PNN: variants seen among roughly 807,000 people sequenced by gnomAD.
PNN encodes the protein pinin.
Under a neutral mutation model 76.6 loss-of-function variants are expected in PNN, and 38 were observed. That is an observed-to-expected ratio of 0.50 (90% CI 0.38 to 0.65). The LOEUF is 0.65. Among genes scored for constraint, PNN ranks in the 30% least tolerant of loss-of-function variants. The probability of loss-of-function intolerance (pLI) is 0.00; values close to 1 mark genes in which losing one functional copy is unlikely to be tolerated. For missense variants in PNN, 873 were observed against 874.1 expected (o/e 1.00, Z 0.02); for synonymous variants, 366 against 283.7 (o/e 1.29, Z -2.91).
In PNN at chr14:39,176,225, G is replaced by A. The variant is rs17108942; in HGVS notation, c.185+76G>A. On this transcript the variant is annotated intron_variant, in intron 2 of 8. Transcript: ENST00000216832. ...AAATATGTTGGTTTGAACAAAACCTGTGATAAAATCAATAACCCAGTGTTT... is the reference window on the plus strand; with the variant it reads ...AAATATGTTGGTTTGAACAAAACCTATGATAAAATCAATAACCCAGTGTTT... 5.4e-4 allele frequency: 466 copies of A among 860,090 alleles called. 1 individual carries two copies. The African/African-American group carries it at 6.9e-3, about 13-fold the overall frequency. The allele number at this position is 860,090 out of a possible 1,614,324, so 53.3% of individuals were successfully genotyped here. A position where few individuals can be genotyped will look rare whatever the true frequency, so the allele number is the denominator to read the frequency against.
rs371973976 is a variant in PNN at position 39,177,811 on chromosome 14, G to A, written c.423-30G>A. 79 of 1,542,974 alleles carry A rather than the reference G, an allele frequency of 5.1e-5. No homozygotes were observed. The African/African-American group carries it at 7.2e-4, about 14-fold the overall frequency. ...GGGTTTAAATGAAATGGATCCTGTTGACAGTAAATTTTCTTATTCTGTTCT... is the reference window on the plus strand; with the variant it reads ...GGGTTTAAATGAAATGGATCCTGTTAACAGTAAATTTTCTTATTCTGTTCT... On this transcript the variant is annotated intron_variant, in intron 5 of 8. Transcript: ENST00000216832.
intron 1 of PNN, chr14:39,175,712 C>A (rs141363995): frequency 4.3e-6 from 2 of 466,262 alleles, no homozygotes; most frequent in East Asian, 9.0e-5. Flanking sequence ...AGCCCCTTCC[C>A]GCTCCGGCGG....
At chr14:39,180,472 A>G (rs768450914) in intron 8 of PNN, 31 bp from the exon 9 acceptor site, 1 of 1,504,074 alleles carries the variant, frequency 6.6e-7, no homozygotes, top group Non-Finnish European at 8.9e-7. Flanking sequence ...TTAATCGGTA[A>G]ATTTTACACA....
intron 8 of PNN, 55 bp downstream of exon 8, chr14:39,179,517 C>T: frequency 1.9e-5 from 26 of 1,369,900 alleles, no homozygotes; most frequent in Non-Finnish European, 2.4e-5. Context: ...GTAATATGTT[C>T]ATATGCACAC....
chr14:39,180,405 C>G lies in PNN; in HGVS notation c.794-98C>G. On this transcript the variant is annotated intron_variant, in intron 8 of 8. Transcript: ENST00000216832. ...TGTCATAACTTTACAAAAACAAATT[C>G]AGATGAAGCTTAATGACAATTTGTG... 1.1e-5 allele frequency: 14 copies of G among 1,292,124 alleles called. 1 individual carries two copies. In the South Asian group the frequency reaches 2.3e-4, roughly 21 times the overall value. 80.0% of individuals were successfully genotyped at this position (1,292,124 alleles called of 1,614,324 possible).
chr14:39,178,766 T>A (rs1214359799), intron 6 of PNN, among the ~76,000 whole-genome samples: 1 of 151,550 alleles, frequency 6.6e-6, no homozygotes, highest in Non-Finnish European at 1.5e-5. Flanking sequence ...AGATGGAGTT[T>A]GGCTCTTCTT....
chr14:39,177,524 C>A, intron 4 of PNN, 40 bp downstream of exon 4: 1 of 1,572,146 alleles, frequency 6.4e-7, no homozygotes, highest in South Asian at 1.1e-5. Flanking sequence ...GTAGTACCTT[C>A]ACTTTACTAC....
chr14:39,181,876 G>T lies in PNN; in HGVS notation c.*13G>T. On this transcript the variant is annotated 3_prime_UTR_variant, in exon 9 of 9. Transcript: ENST00000216832. ...CAAAAGGCGTTAATGGAAGAAGCCA[G>T]GCTTTCTTAGCCATTCTTTGCAGCA... The T allele has an allele frequency of 6.4e-7, 1 of 1,551,388 alleles. No homozygotes were observed. Among genetic ancestry groups the T allele is most frequent in the Non-Finnish European group, 8.6e-7 (1 of 1,157,576 alleles).
In PNN at chr14:39,179,399, A is replaced by G. The variant is rs748534603; in HGVS notation, c.730A>G (p.Ile244Val). 6.2e-7 allele frequency: 1 copy of G among 1,612,448 alleles called. No individual in the cohort carries two copies. The highest frequency in any genetic ancestry group is 8.5e-7 in the Non-Finnish European group (1 of 1,178,556). ...RTKTKPHLFY[I>V]PGRMCPATQK... is the part of the protein sequence containing the mutation. ...TAAGACAAAGCCCCATTTGTTTTAT[A>G]TTCCTGGAAGAATGTGTCCAGCTAC... Residue 244 changes from isoleucine to valine, a missense_variant, in exon 8 of 9, where the codon ATT (isoleucine) becomes GTT (valine). By Grantham distance (29) the Ile-to-Val change is conservative. This residue lies in a region of PNN where 712 missense variants were observed against 693.1 expected (regional missense o/e 1.03). Transcript: ENST00000216832.
In PNN at chr14:39,181,998, T is replaced by C; in HGVS notation, c.*135T>C. On this transcript the variant is annotated 3_prime_UTR_variant, in exon 9 of 9. Coordinates refer to ENST00000216832, the MANE Select transcript of PNN (RefSeq NM_002687.4). Reference sequence around the variant, plus strand: ...AAAAATCTTTTTGGAAAATACAGACTGTTTGTTTACCAGACATTCTTGTAC... The same window carrying C: ...AAAAATCTTTTTGGAAAATACAGACCGTTTGTTTACCAGACATTCTTGTAC... 1 of 814,970 alleles carries C rather than the reference T, an allele frequency of 1.2e-6. No homozygotes were observed. The highest frequency in any genetic ancestry group is 1.8e-6 in the Non-Finnish European group (1 of 546,760). 50.5% of individuals were successfully genotyped at this position (814,970 alleles called of 1,614,324 possible).
intron 8 of PNN, among the ~76,000 whole-genome samples, chr14:39,180,245 AGATT>A (rs1226137396): frequency 6.6e-6 from 1 of 152,204 alleles, no homozygotes; most frequent in Non-Finnish European, 1.5e-5. Context: ...TCAGACATAA[AGATT>A]GATCTGTTTT....
chr14:39,175,903 G>A (rs1389967445), intron 1 of PNN, 175 bp from the exon 2 acceptor site: 1 of 578,908 alleles, frequency 1.7e-6, no homozygotes, highest in Non-Finnish European at 3.1e-6. Context: ...GGAGAAACGA[G>A]GAAGTTAAAT....
At position 39,181,015 on chromosome 14, in the gene PNN, G is replaced by C. The variant is rs773801437; in HGVS notation, c.1306G>C (p.Asp436His). ...EPEMEFEIEP[D>H]KECKTLSPGK... ...AGAAATGGAATTTGAAATTGAGCCAGATAAAGAATGTAAAACCCTTTCTCC... is the reference window on the plus strand; with the variant it reads ...AGAAATGGAATTTGAAATTGAGCCACATAAAGAATGTAAAACCCTTTCTCC... The change falls in exon 9 of 9, where the codon GAT (aspartate) becomes CAT (histidine). Residue 436 changes from aspartate (D) to histidine (H), a missense_variant. Physicochemically the swap from Asp to His is moderately conservative, Grantham distance 81. Transcript: ENST00000216832. 6 of 1,613,008 alleles carry C rather than the reference G, an allele frequency of 3.7e-6. No homozygotes were observed.
chr14:39,181,413 T>C lies in PNN; in HGVS notation c.1704T>C (p.Asn568=), dbSNP rs2139404605. ...GCAGAAGTAGAGGTCGAGCTAGAAA[T>C]AAAACAAGCAAGAGTAGAAGTCGAA... The part of the protein sequence containing the change: ...TRSRSRGRAR[N]KTSKSRSRSS... The change falls in exon 9 of 9, where the codon AAT becomes AAC. Residue 568 remains asparagine, a synonymous_variant. Coordinates refer to ENST00000216832, the MANE Select transcript of PNN (RefSeq NM_002687.4). 1.2e-6 allele frequency: 2 copies of C among 1,614,016 alleles called. No homozygotes were observed. Among genetic ancestry groups the C allele is most frequent in the African/African-American group, 1.3e-5 (1 of 74,986 alleles).
chr14:39,180,173 AAAATT>A, intron 8 of PNN, among the ~76,000 whole-genome samples: 1 of 152,338 alleles, frequency 6.6e-6, no homozygotes, highest in East Asian at 1.9e-4. Context: ...TGGGATCAGA[AAAATT>A]AATATATATG....
intron 8 of PNN, 65 bp from the exon 9 acceptor site, chr14:39,180,438 A>T (rs1409093930): frequency 1.4e-6 from 2 of 1,456,294 alleles, no homozygotes; most frequent in South Asian, 1.5e-5. Flanking sequence ...GTGACCAGTT[A>T]TAAAATTATG....
In PNN at chr14:39,176,127, G is replaced by C; in HGVS notation, c.163G>C (p.Gly55Arg). Residue 55 changes from glycine (G) to arginine (R), a missense_variant, in exon 2 of 9, where the codon GGA (glycine) becomes CGA (arginine). Around this residue, in one of 3 missense-constraint regions of PNN, gnomAD observed 156 missense variants for 161.7 expected, o/e 0.96. Transcript: ENST00000216832. ...CCTTTCTGGTCCTGGTGGAGGTAGA[G>C]GACGTGGTAGTTTATTACTGAGGTA... ...LALSGPGGGR[G>R]RGSLLLRRGF... The C allele has an allele frequency of 6.2e-7, 1 of 1,604,354 alleles. No individual in the cohort carries two copies. Among genetic ancestry groups the C allele is most frequent in the Non-Finnish European group, 8.5e-7 (1 of 1,171,162 alleles).
chr14:39,181,908 T>G lies in PNN; in HGVS notation c.*45T>G, dbSNP rs751201343. On this transcript the variant is annotated 3_prime_UTR_variant, in exon 9 of 9. Coordinates refer to ENST00000216832, the MANE Select transcript of PNN (RefSeq NM_002687.4). ...TTAGCCATTCTTTGCAGCAGAAGAT[T>G]TCTTGATAAAAAAGGATTACCTTTC... is the stretch of plus-strand genomic sequence containing the variant. 2.8e-5 allele frequency: 42 copies of G among 1,512,438 alleles called. No homozygotes were observed. The East Asian group carries it at 9.1e-4, about 33-fold the overall frequency. 93.7% of individuals were successfully genotyped at this position (1,512,438 alleles called of 1,614,324 possible).
intron 1 of PNN, 90 bp downstream of exon 1, chr14:39,175,482 T>A: frequency 1.3e-6 from 1 of 798,574 alleles, no homozygotes; most frequent in Non-Finnish European, 2.1e-6. Context: ...CGGCCAGCCT[T>A]AAGAAGACTG....
Sources: gnomAD v4.1 joint callset for allele counts (sites outside exome capture counted in the v4.1 genomes callset) on GRCh38, gnomAD v4.1.1 for gene constraint, gnomAD v4.1.1 regional missense constraint, MANE v1.5 for transcripts, NCBI Gene and HGNC (gene_info 2026-07-23, HGNC 2026-07-21) for gene names.